The following GRHL2 variants were observed in gnomAD, a reference collection of about 807,000 sequenced individuals.
GRHL2 encodes grainyhead like transcription factor 2.
A neutral mutation model predicts 83.8 loss-of-function variants in GRHL2; 21 were observed. That is an observed-to-expected ratio of 0.25 (90% CI 0.18 to 0.36). The LOEUF is 0.36. Ranked by LOEUF, GRHL2 falls within the 10% of genes least tolerant of loss-of-function variation. The probability of loss-of-function intolerance (pLI) is 1.00; values close to 1 mark genes in which losing one functional copy is unlikely to be tolerated. For synonymous variants in GRHL2, 280 were observed against 278.9 expected (o/e 1.00, Z -0.04); for missense variants, 623 against 781.8 (o/e 0.80, Z 2.42).
intron 3 of GRHL2, among the ~76,000 whole-genome samples, chr8:101,557,010 T>A (rs2130170398): frequency 6.6e-6 from 1 of 152,168 alleles, no homozygotes; most frequent in Middle Eastern, 3.4e-3. Context: ...TCAGCAATGA[T>A]AAATTTTTGC....
chr8:101,543,550 G>A, intron 2 of GRHL2, 114 bp downstream of exon 2: 1 of 967,504 alleles, frequency 1.0e-6, no homozygotes, highest in Non-Finnish European at 1.6e-6. Context: ...CATTTCCAAA[G>A]TCAATATAGA....
At chr8:101,536,937 G>T (rs760705759) in intron 1 of GRHL2, among the ~76,000 whole-genome samples, 1 of 126,710 alleles carries the variant, frequency 7.9e-6, no homozygotes, top group African/African-American at 2.9e-5. Context: ...CTCACCCCCC[G>T]CCCTCTGGTA....
chr8:101,592,357 C>G (rs1281457302), intron 7 of GRHL2, among the ~76,000 whole-genome samples: 3 of 152,146 alleles, frequency 2.0e-5, no homozygotes, highest in Non-Finnish European at 4.4e-5. Flanking sequence ...CCTGCCTTGG[C>G]CTCCCAAGTT....
intron 1 of GRHL2, among the ~76,000 whole-genome samples, chr8:101,509,157 C>CTTTCTTTCTCTTTCTTTCTTTTCTCT (rs1554581566): frequency 3.6e-5 from 1 of 27,404 alleles, no homozygotes; most frequent in African/African-American, 8.6e-5. Context: ...TTCCTTCCTT[C>CTTTCTTTCTCTTTCTTTCTTTTCTCT]CTTTCTTTCT....
intron 2 of GRHL2, 161 bp downstream of exon 2, chr8:101,543,597 C>T (rs762933551): frequency 1.4e-6 from 1 of 714,324 alleles, no homozygotes; most frequent in South Asian, 1.5e-5. Flanking sequence ...TCCCTGCTTC[C>T]CCATCTACAA....
downstream of GRHL2, among the ~76,000 whole-genome samples, chr8:101,674,429 C>A (rs1388496026): frequency 6.6e-6 from 1 of 152,108 alleles, no homozygotes; most frequent in African/African-American, 2.4e-5. Flanking sequence ...ACTACAAACA[C>A]CTCTACGCAA....
At chr8:101,564,625 G>A (rs1165964011) in intron 4 of GRHL2, among the ~76,000 whole-genome samples, 1 of 151,922 alleles carries the variant, frequency 6.6e-6, no homozygotes, top group Non-Finnish European at 1.5e-5. Context: ...GGGCAACATA[G>A]TGAGACCCTG....
At position 101,573,685 on chromosome 8, in the gene GRHL2, C is replaced by A. The variant is rs779623350; in HGVS notation, c.752C>A (p.Thr251Asn). Reference sequence around the variant, plus strand: ...TTTCACAGTGGCACATTTCAGTACACCCTGGAAGCCACCAAATCTCTCCGT... The same window carrying A: ...TTTCACAGTGGCACATTTCAGTACAACCTGGAAGCCACCAAATCTCTCCGT... The part of the protein sequence containing the change: ...DQTSSGTFQY[T>N]LEATKSLRQK... Residue 251 changes from threonine (T) to asparagine (N), a missense_variant, in exon 6 of 16, where the codon ACC becomes AAC. This residue lies in a region of GRHL2 where 239 missense variants were observed against 240.5 expected (regional missense o/e 0.99). Transcript: ENST00000646743. The A allele has an allele frequency of 1.2e-6, 2 of 1,614,162 alleles. No homozygotes were observed. Among genetic ancestry groups the A allele is most frequent in the Admixed American group, 3.3e-5 (2 of 60,026 alleles).
intron 4 of GRHL2, among the ~76,000 whole-genome samples, chr8:101,564,025 T>C (rs777465220): frequency 1.3e-5 from 2 of 152,330 alleles, no homozygotes; most frequent in East Asian, 1.9e-4. Flanking sequence ...GTTGTTTGTA[T>C]TGTAGATAAA....
chr8:101,613,724 C>T (rs576918481), intron 8 of GRHL2, among the ~76,000 whole-genome samples: 3 of 150,942 alleles, frequency 2.0e-5, no homozygotes, highest in Admixed American at 6.6e-5. Context: ...CTGGCAAGAG[C>T]ACATTTATAT....
At chr8:101,646,663 A>G (rs1202486178) in intron 13 of GRHL2, among the ~76,000 whole-genome samples, 1 of 152,230 alleles carries the variant, frequency 6.6e-6, no homozygotes, top group African/African-American at 2.4e-5. Flanking sequence ...ATTATTACCA[A>G]TGCCACGATT....
intron 14 of GRHL2, among the ~76,000 whole-genome samples, chr8:101,656,581 A>C (rs534473837): frequency 1.4e-4 from 22 of 152,362 alleles, no homozygotes; most frequent in African/African-American, 5.1e-4. Flanking sequence ...GGCAATACTA[A>C]GCCATCAGGC....
At position 101,652,284 on chromosome 8, in the gene GRHL2, T is replaced by C. The variant is rs946165761; in HGVS notation, c.1698+2785T>C. Among the ~76,000 whole-genome samples the C allele has an allele frequency of 2.0e-5, 3 of 150,732 alleles. No homozygotes were observed. The Admixed American group carries it at 2.0e-4, about 10-fold the overall frequency. On this transcript the variant is annotated intron_variant, in intron 14 of 15. Transcript: ENST00000646743. Reference sequence around the variant, plus strand: ...CAATATGACATATTATATATCTATATTGGTATATACAAATGTATATTGGTA... The same window carrying C: ...CAATATGACATATTATATATCTATACTGGTATATACAAATGTATATTGGTA...
intron 14 of GRHL2, among the ~76,000 whole-genome samples, chr8:101,660,502 C>T (rs1431181011): frequency 1.3e-5 from 2 of 152,068 alleles, no homozygotes; most frequent in East Asian, 3.8e-4. Flanking sequence ...CTTTTATACT[C>T]ACTGAGACAC....
At chr8:101,644,644 CCAGT>C (rs1403299924) in intron 13 of GRHL2, among the ~76,000 whole-genome samples, 1 of 152,148 alleles carries the variant, frequency 6.6e-6, no homozygotes, top group Non-Finnish European at 1.5e-5. Context: ...TCATTTTCTC[CCAGT>C]CAAAGGTCTT....
At chr8:101,631,360 G>T (rs1230984072) in intron 9 of GRHL2, among the ~76,000 whole-genome samples, 1 of 152,184 alleles carries the variant, frequency 6.6e-6, no homozygotes, top group Non-Finnish European at 1.5e-5. Context: ...TTTCCATATG[G>T]ATTCAAAACT....
chr8:101,640,939 A>G (rs1261649802), intron 12 of GRHL2, among the ~76,000 whole-genome samples: 6 of 152,164 alleles, frequency 3.9e-5, no homozygotes, highest in Non-Finnish European at 1.5e-5. Context: ...AATCTCTTCA[A>G]TGGTTTTTCA....
chr8:101,502,424 G>A (rs1810249018), intron 1 of GRHL2, among the ~76,000 whole-genome samples: 1 of 152,094 alleles, frequency 6.6e-6, no homozygotes, highest in Admixed American at 6.6e-5. Flanking sequence ...TGATTCAGAT[G>A]GCAGACTTTT....
Position 101,577,468 on chromosome 8 carries a change from A to G in GRHL2, c.952A>G (p.Lys318Glu). Residue 318 changes from lysine (K) to glutamate (E), a missense_variant, in exon 7 of 16, where the codon AAA (lysine) becomes GAA (glutamate). Coordinates refer to ENST00000646743, the MANE Select transcript of GRHL2 (RefSeq NM_024915.4). ...CAGAGATGAACAGCTCAAATACTGG[A>G]AATACTGGCACTCTCGGCAGCATAC... ...KNRDEQLKYW[K>E]YWHSRQHTAK... 6.2e-7 allele frequency: 1 copy of G among 1,614,126 alleles called. No individual in the cohort carries two copies. Among genetic ancestry groups the G allele is most frequent in the Non-Finnish European group, 8.5e-7 (1 of 1,179,988 alleles).
Sources: allele counts gnomAD v4.1 joint callset (sites outside exome capture counted in the v4.1 genomes callset), GRCh38; gene constraint gnomAD v4.1.1; regional missense constraint gnomAD v4.1.1; transcripts MANE v1.5; gene names NCBI Gene and HGNC (gene_info 2026-07-23, HGNC 2026-07-21).